TBCD: variants seen among roughly 807,000 people sequenced by gnomAD.
TBCD encodes the protein tubulin folding cofactor D.
A neutral mutation model predicts 169.3 loss-of-function variants in TBCD; 105 were observed. The ratio of observed to expected loss-of-function variants is 0.62; its 90% CI spans 0.53 to 0.73. TBCD has a LOEUF of 0.73. Ranked by LOEUF, TBCD falls within the 30% of genes least tolerant of loss-of-function variation. The pLI is 0.00. For missense variants in TBCD, 1,444 were observed against 1,600.1 expected (o/e 0.90, Z 1.66); for synonymous variants, 700 against 643.9 (o/e 1.09, Z -1.32).
rs542164319 is a variant in TBCD at position 82,836,928 on chromosome 17, A to G, written c.1318+21994A>G. Among the ~76,000 whole-genome samples the G allele has an allele frequency of 2.0e-5, 3 of 152,164 alleles. No individual in the cohort carries two copies. The East Asian group carries it at 5.8e-4, about 29-fold the overall frequency. On this transcript the variant is annotated intron_variant, in intron 13 of 38. Transcript: ENST00000355528. ...CACGTAAGCGGGTGTGGCAGGGAGG[A>G]AGCCCCTGGTGGTGAGAGTGTTTGG...
At chr17:82,811,180 C>T (rs141547213) in intron 12 of TBCD, among the ~76,000 whole-genome samples, 42 of 152,276 alleles carry the variant, frequency 2.8e-4, no homozygotes, top group African/African-American at 9.1e-4. Context: ...GTCCTCCTGT[C>T]GCCTGGTGCC....
At position 82,831,358 on chromosome 17, in the gene TBCD, T is replaced by C; in HGVS notation, c.1318+16424T>C. 1 of 1,614,018 alleles carries C rather than the reference T, an allele frequency of 6.2e-7. No individual in the cohort carries two copies. Among genetic ancestry groups the C allele is most frequent in the Non-Finnish European group, 8.5e-7 (1 of 1,179,998 alleles). On this transcript the variant is annotated intron_variant, in intron 13 of 38. Transcript: ENST00000355528. This position sits in a 1 kb window ranked among gnomAD's most constrained non-coding sequence, Gnocchi z 4.6. Reference sequence around the variant, plus strand: ...GTGTTTTCTGTTGGGGTCCGAAGGGTTTAACCTGGAAGGACTCGAGGCTGG... The same window carrying C: ...GTGTTTTCTGTTGGGGTCCGAAGGGCTTAACCTGGAAGGACTCGAGGCTGG...
chr17:82,769,180 G>A (rs993365838), intron 5 of TBCD, among the ~76,000 whole-genome samples: 18 of 152,210 alleles, frequency 1.2e-4, no homozygotes, highest in African/African-American at 4.1e-4. Flanking sequence ...CACAGCTGCA[G>A]TTAAAACTCG....
chr17:82,929,531 A>T (rs759609313), intron 32 of TBCD, 31 bp downstream of exon 32: 20 of 1,599,714 alleles, frequency 1.3e-5, no homozygotes, highest in Admixed American at 3.3e-5. Context: ...CTGGGGCAGG[A>T]GGTGGCTCCA....
intron 37 of TBCD, 83 bp downstream of exon 37, chr17:82,939,559 C>A: frequency 1.8e-6 from 2 of 1,124,902 alleles, no homozygotes; most frequent in Non-Finnish European, 2.6e-6. Flanking sequence ...TCGTCTCTCC[C>A]AAAACCCTCT....
At chr17:82,878,928 A>G (rs1249598029) in intron 14 of TBCD, among the ~76,000 whole-genome samples, 15 of 152,176 alleles carry the variant, frequency 9.9e-5, no homozygotes, top group Non-Finnish European at 2.9e-5. Context: ...GGGGGTTATC[A>G]TCTAACACTA....
intron 30 of TBCD, 112 bp downstream of exon 30, chr17:82,928,100 A>G (rs2061906359): frequency 2.2e-6 from 2 of 915,272 alleles, no homozygotes; most frequent in South Asian, 2.9e-5. Flanking sequence ...CTGGGCACAC[A>G]CCCTCCTCCC....
chr17:82,810,108 C>T (rs2051318512), intron 12 of TBCD, among the ~76,000 whole-genome samples: 1 of 152,112 alleles, frequency 6.6e-6, no homozygotes, highest in Non-Finnish European at 1.5e-5. Flanking sequence ...CGGGTCTACC[C>T]CTCGCCTACC....
chr17:82,879,531 G>C (rs1388546818), intron 14 of TBCD, among the ~76,000 whole-genome samples: 2 of 149,560 alleles, frequency 1.3e-5, no homozygotes, highest in African/African-American at 4.8e-5. Flanking sequence ...GCTCGGGTGA[G>C]CCCTTCTGGT....
intron 1 of TBCD, among the ~76,000 whole-genome samples, chr17:82,754,284 A>T (rs1002401230): frequency 6.6e-6 from 1 of 152,122 alleles, no homozygotes; most frequent in Non-Finnish European, 1.5e-5. Context: ...GGGAGTCGGA[A>T]ATGATCCTCC....
chr17:82,866,221 T>C (rs2057160084), intron 13 of TBCD, among the ~76,000 whole-genome samples: 1 of 152,116 alleles, frequency 6.6e-6, no homozygotes, highest in African/African-American at 2.4e-5. Context: ...GTGTTCAGGG[T>C]CCCGAGATGT....
chr17:82,866,200 G>T (rs1403217766), intron 13 of TBCD, among the ~76,000 whole-genome samples: 2 of 152,128 alleles, frequency 1.3e-5, no homozygotes, highest in Non-Finnish European at 2.9e-5. Flanking sequence ...GTCAAGGCTG[G>T]CCTGTCCCTT....
At chr17:82,774,126 A>G (rs375704568) in intron 6 of TBCD, among the ~76,000 whole-genome samples, 1 of 151,488 alleles carries the variant, frequency 6.6e-6, no homozygotes, top group African/African-American at 2.4e-5. Flanking sequence ...TCATAGGACA[A>G]TAGTGGAGGG....
At chr17:82,844,994 G>A (rs1298571835) in intron 13 of TBCD, among the ~76,000 whole-genome samples, 1 of 152,130 alleles carries the variant, frequency 6.6e-6, no homozygotes, top group Non-Finnish European at 1.5e-5. Context: ...ACCAGAGGTG[G>A]GGGGTGCTTC....
In TBCD at chr17:82,870,076, C is replaced by T. The variant is rs565087748; in HGVS notation, c.1319-148C>T. ...CAGGCCGTGGGTCTAACAGGAGCCC[C>T]GAACCTCTGGGTGGGCTCCGTGTCG... On this transcript the variant is annotated intron_variant, in intron 13 of 38. Transcript: ENST00000355528. The T allele has an allele frequency of 1.6e-5, 17 of 1,034,516 alleles. 1 individual carries two copies. Among genetic ancestry groups the T allele is most frequent in the African/African-American group, 3.2e-5 (2 of 62,188 alleles). 64.1% of individuals were successfully genotyped at this position (1,034,516 alleles called of 1,614,324 possible).
rs2062022189 is a variant in TBCD at position 82,929,450 on chromosome 17, C to T, written c.2941C>T (p.His981Tyr). 1 of 1,611,644 alleles carries T rather than the reference C, an allele frequency of 6.2e-7. No individual in the cohort carries two copies. Among genetic ancestry groups the T allele is most frequent in the Non-Finnish European group, 8.5e-7 (1 of 1,179,884 alleles). ...QLLGLPTYRY[H>Y]VLLGLVVSLG... ...CCTTGGGCTGCCCACCTACCGCTACCACGTCCTGCTGGGGCTAGTCGTGTC... is the reference window on the plus strand; with the variant it reads ...CCTTGGGCTGCCCACCTACCGCTACTACGTCCTGCTGGGGCTAGTCGTGTC... Residue 981 changes from histidine to tyrosine, a missense_variant, in exon 32 of 39, where the codon CAC becomes TAC. Physicochemically the swap from His to Tyr is moderately conservative, Grantham distance 83. Transcript: ENST00000355528.
chr17:82,925,776 A>G (rs567685112), intron 27 of TBCD, among the ~76,000 whole-genome samples: 6 of 152,334 alleles, frequency 3.9e-5, no homozygotes, highest in African/African-American at 1.4e-4. Flanking sequence ...ACTTGGAGAT[A>G]TGACAGATGA....
intron 13 of TBCD, among the ~76,000 whole-genome samples, chr17:82,820,440 A>C (rs113292858): frequency 6.6e-6 from 1 of 152,206 alleles, no homozygotes. Flanking sequence ...AGAATTGTGC[A>C]TATTGATTTG....
At position 82,942,398 on chromosome 17, in the gene TBCD, A is replaced by G. The variant is rs1427208615; in HGVS notation, c.3565-51A>G. On this transcript the variant is annotated intron_variant, in intron 38 of 38. Coordinates refer to ENST00000355528, the MANE Select transcript of TBCD (RefSeq NM_005993.5). ...AGGGGTGAGGGTCCCCTGGCTGGGA[A>G]TGGTGTGTGTTGGAGCTGACCAGCC... is the stretch of plus-strand genomic sequence containing the variant. 17 of 1,612,928 alleles carry G rather than the reference A, an allele frequency of 1.1e-5. No homozygotes were observed. In the East Asian group the frequency reaches 3.8e-4, roughly 36 times the overall value.
Sources: gnomAD v4.1 joint callset for allele counts (sites outside exome capture counted in the v4.1 genomes callset) on GRCh38, gnomAD v4.1.1 for gene constraint, Gnocchi (gnomAD v3.1) non-coding constraint, MANE v1.5 for transcripts, NCBI Gene and HGNC (gene_info 2026-07-23, HGNC 2026-07-21) for gene names.